Variants in SPTBN4 observed in about 807,000 individuals in gnomAD.
SPTBN4 encodes spectrin beta chain, non-erythrocytic 4.
A neutral mutation model predicts 277.8 loss-of-function variants in SPTBN4; 96 were observed. The ratio of observed to expected loss-of-function variants is 0.35; its 90% CI spans 0.29 to 0.41. SPTBN4 has a LOEUF of 0.41. SPTBN4 is among the 10% of genes least tolerant of loss of function. The pLI is 1.00. For missense variants in SPTBN4, 3,006 were observed against 3,595.7 expected (o/e 0.84, Z 4.19); for synonymous variants, 1,481 against 1,580.3 (o/e 0.94, Z 1.49).
chr19:40,546,612 G>A (rs1420995246), intron 20 of SPTBN4, among the ~76,000 whole-genome samples: 1 of 152,052 alleles, frequency 6.6e-6, no homozygotes, highest in Non-Finnish European at 1.5e-5. Context: ...GAAGGCCAAC[G>A]TGAGAATAGT....
intron 33 of SPTBN4, 99 bp downstream of exon 33, chr19:40,570,827 G>A: frequency 7.5e-7 from 1 of 1,329,062 alleles, no homozygotes; most frequent in Admixed American, 2.8e-5. Context: ...TCAACTTCAG[G>A]CCCTCCAGCA....
At chr19:40,491,392 A>G (rs1279841177) in intron 4 of SPTBN4, among the ~76,000 whole-genome samples, 3 of 152,046 alleles carry the variant, frequency 2.0e-5, no homozygotes, top group African/African-American at 7.2e-5. Flanking sequence ...ATTCTGTCTG[A>G]GATGGGGAGA....
intron 13 of SPTBN4, among the ~76,000 whole-genome samples, chr19:40,510,610 G>A (rs1391882371): frequency 1.3e-5 from 2 of 152,160 alleles, no homozygotes; most frequent in Non-Finnish European, 2.9e-5. Flanking sequence ...GCAAGAAGCT[G>A]TTGTTATTGT....
At chr19:40,556,019 G>T (rs1240732813) in intron 24 of SPTBN4, 65 bp from the exon 25 acceptor site, 1 of 1,448,956 alleles carries the variant, frequency 6.9e-7, no homozygotes, top group Non-Finnish European at 9.4e-7. Flanking sequence ...AGGGGGTTTA[G>T]GGGGGTCACG....
Position 40,565,648 on chromosome 19 carries a change from C to A in SPTBN4, c.6055-13C>A, listed in dbSNP as rs769273639. ...ACACCCTGACTTCCCTCCCACCCACCTGCCACTCCCAGATCCAGGCACAGC... is the reference window on the plus strand; with the variant it reads ...ACACCCTGACTTCCCTCCCACCCACATGCCACTCCCAGATCCAGGCACAGC... On this transcript the variant is annotated splice_polypyrimidine_tract_variant and intron_variant, in intron 28 of 35. Transcript: ENST00000598249. 8 of 1,555,872 alleles carry A rather than the reference C, an allele frequency of 5.1e-6. No individual in the cohort carries two copies. The South Asian group carries it at 8.2e-5, about 16-fold the overall frequency.
intron 13 of SPTBN4, among the ~76,000 whole-genome samples, chr19:40,511,493 C>T (rs770109365): frequency 3.3e-5 from 5 of 152,186 alleles, no homozygotes; most frequent in Admixed American, 6.5e-5. Context: ...TGATATTTTC[C>T]GTTCCTTCTA....
At chr19:40,485,625 G>A (rs1330860040) in intron 2 of SPTBN4, among the ~76,000 whole-genome samples, 1 of 151,960 alleles carries the variant, frequency 6.6e-6, no homozygotes, top group Non-Finnish European at 1.5e-5. Flanking sequence ...GGGCAACATC[G>A]TGAGACCCTT....
chr19:40,567,611 A>AACCCCCCCCCC, intron 30 of SPTBN4, 52 bp from the exon 31 acceptor site: 2 of 1,190,514 alleles, frequency 1.7e-6, no homozygotes, highest in African/African-American at 1.6e-5. Context: ...CCTCCCCCTT[A>AACCCCCCCCCC]CCCCGCCCCG....
At position 40,519,872 on chromosome 19, in the gene SPTBN4, G is replaced by T; in HGVS notation, c.3375G>T (p.Ala1125=). The T allele has an allele frequency of 6.7e-7, 1 of 1,499,644 alleles. No individual in the cohort carries two copies. The allele number at this position is 1,499,644 out of a possible 1,614,324, so 92.9% of individuals were successfully genotyped here. ...EGPLPNSLEE[A]DALLARHAAL... ...CCCTGCCCAACAGCCTAGAAGAGGC[G>T]GACGCGCTGCTGGCGCGCCACGCTG... is the stretch of plus-strand genomic sequence containing the variant. Residue 1125 remains alanine, a synonymous_variant, in exon 16 of 36, where the codon GCG becomes GCT. Coordinates refer to ENST00000598249, the MANE Select transcript of SPTBN4 (RefSeq NM_020971.3). The surrounding 1 kb of genome is among the most constrained non-coding windows in gnomAD (Gnocchi z 5.7).
chr19:40,502,285 C>T lies in SPTBN4; in HGVS notation c.1055C>T (p.Thr352Met), dbSNP rs145963269. The change falls in exon 9 of 36, where the codon ACG becomes ATG. Residue 352 changes from threonine (T) to methionine (M), a missense_variant. Thr to Met is a moderately conservative substitution (Grantham distance 81). Around this residue, in one of 5 missense-constraint regions of SPTBN4, gnomAD observed 1,759 missense variants for 2,061.5 expected, o/e 0.85. Transcript: ENST00000598249. The surrounding 1 kb of genome is among the most constrained non-coding windows in gnomAD (Gnocchi z 4.9). ...GTGCAGCAGCAACTCCAGGCTTTCA[C>T]GGCCTATTGCACGCTGGAGAAGCCT... ...SGVQQQLQAF[T>M]AYCTLEKPVK... 167 of 1,609,072 alleles carry T rather than the reference C, an allele frequency of 1.0e-4. 2 individuals carry two copies. The South Asian group carries it at 1.3e-3, about 13-fold the overall frequency.
In SPTBN4 at chr19:40,534,063, C is replaced by T. The variant is rs746352038; in HGVS notation, c.4096-17C>T. 11 of 1,590,568 alleles carry T rather than the reference C, an allele frequency of 6.9e-6. No homozygotes were observed. The highest frequency in any genetic ancestry group is 5.6e-5 in the South Asian group (5 of 89,524). On this transcript the variant is annotated splice_polypyrimidine_tract_variant and intron_variant, in intron 19 of 35. Transcript: ENST00000598249. ...ATCTATCTTCTCCATCTCCTGCCATCCACCCACTTGGGGCAGGAGGGCCAG... is the reference window on the plus strand; with the variant it reads ...ATCTATCTTCTCCATCTCCTGCCATTCACCCACTTGGGGCAGGAGGGCCAG...
Position 40,545,288 on chromosome 19 carries a change from G to A in SPTBN4, c.4360-3901G>A, listed in dbSNP as rs191464804. The stretch of plus-strand genomic sequence containing the variant: ...TTTTTGTATTTTTAGTAGAGACAGG[G>A]TTTCACCATGTTGGCCAGGCTGGTC... On this transcript the variant is annotated intron_variant, in intron 20 of 35. Coordinates refer to ENST00000598249, the MANE Select transcript of SPTBN4 (RefSeq NM_020971.3). 4.6e-3 allele frequency among the ~76,000 whole-genome samples: 694 copies of A among 151,768 alleles called. 5 individuals carry two copies. Among genetic ancestry groups the A allele is most frequent in the Non-Finnish European group, 5.8e-3 (395 of 67,928 alleles).
intron 13 of SPTBN4, among the ~76,000 whole-genome samples, chr19:40,507,503 G>A (rs2080343375): frequency 6.6e-6 from 1 of 151,012 alleles, no homozygotes; most frequent in Admixed American, 6.6e-5. Flanking sequence ...CAGGAGTTTT[G>A]GGCAACATAG....
intron 7 of SPTBN4, among the ~76,000 whole-genome samples, chr19:40,498,493 C>T (rs2080227637): frequency 6.6e-6 from 1 of 151,254 alleles, no homozygotes; most frequent in Non-Finnish European, 1.5e-5. Context: ...GCAAGCTCCA[C>T]CTCCTGGGTT....
chr19:40,477,194 C>T (rs1288354742), intron 2 of SPTBN4, among the ~76,000 whole-genome samples: 1 of 152,004 alleles, frequency 6.6e-6, no homozygotes, highest in East Asian at 1.9e-4. Flanking sequence ...CATGCACCAT[C>T]ATGCCCAGCT....
intron 20 of SPTBN4, among the ~76,000 whole-genome samples, chr19:40,542,817 T>C (rs1348595371): frequency 2.0e-5 from 3 of 151,780 alleles, no homozygotes; most frequent in Non-Finnish European, 4.4e-5. Context: ...TGTTTTTGTT[T>C]TTTTGTTTTT....
At chr19:40,506,530 C>T (rs944734521) in intron 13 of SPTBN4, 144 bp downstream of exon 13, 2 of 1,278,392 alleles carry the variant, frequency 1.6e-6, no homozygotes, top group African/African-American at 3.0e-5. Context: ...TTACATTCCA[C>T]TGGGGAAGTC....
At chr19:40,510,835 G>A (rs2080382552) in intron 13 of SPTBN4, among the ~76,000 whole-genome samples, 1 of 151,922 alleles carries the variant, frequency 6.6e-6, no homozygotes. Flanking sequence ...CAGCCAGCGA[G>A]ACTCTATTTC....
At chr19:40,573,834 G>A (rs1259423912) in intron 35 of SPTBN4, among the ~76,000 whole-genome samples, 1 of 151,404 alleles carries the variant, frequency 6.6e-6, no homozygotes, top group African/African-American at 2.4e-5. Flanking sequence ...GGGCATGGTG[G>A]CTCACGCCTG....
Sources: gnomAD v4.1 joint callset for allele counts (sites outside exome capture counted in the v4.1 genomes callset) on GRCh38, gnomAD v4.1.1 for gene constraint, gnomAD v4.1.1 regional missense constraint, Gnocchi (gnomAD v3.1) non-coding constraint, MANE v1.5 for transcripts, NCBI Gene and HGNC (gene_info 2026-07-23, HGNC 2026-07-21) for gene names.